ADAD1: variants seen among roughly 807,000 people sequenced by gnomAD.
ADAD1 encodes adenosine deaminase domain-containing protein 1.
A neutral mutation model predicts 66.8 loss-of-function variants in ADAD1; 46 were observed. The observed-to-expected ratio is 0.69, with a 90% CI of 0.54 to 0.88. The LOEUF (loss-of-function observed/expected upper bound fraction) is 0.88, where lower values mean the gene tolerates loss of function less well. Ranked by LOEUF, ADAD1 falls within the 40% of genes least tolerant of loss-of-function variation. ADAD1 has a pLI of 0.00. For missense variants in ADAD1, 617 were observed against 681.8 expected, an observed-to-expected ratio of 0.91 and a Z score of 1.06; for synonymous variants, 248 against 229.4, an observed-to-expected ratio of 1.08 and a Z score of -0.73.
At chr4:122,425,260 C>T (rs1797177794) in intron 12 of ADAD1, among the ~76,000 whole-genome samples, 1 of 151,952 alleles carries the variant, frequency 6.6e-6, no homozygotes, top group Non-Finnish European at 1.5e-5. Context: ...CTTTTCAAGC[C>T]CACATGGAGC....
chr4:122,414,616 A>G (rs909848587), intron 10 of ADAD1, among the ~76,000 whole-genome samples: 1 of 152,082 alleles, frequency 6.6e-6, no homozygotes, highest in Non-Finnish European at 1.5e-5. Context: ...TTTTAATCAT[A>G]AGGACACAAA....
chr4:122,409,701 T>C (rs1796383048), intron 8 of ADAD1, among the ~76,000 whole-genome samples: 1 of 152,062 alleles, frequency 6.6e-6, no homozygotes, highest in Non-Finnish European at 1.5e-5. Context: ...TTTTGTGTGT[T>C]TTGTTTGTTT....
At chr4:122,412,291 T>TATAAATTCTAATTA (rs1462941560) in intron 9 of ADAD1, among the ~76,000 whole-genome samples, 4 of 152,146 alleles carry the variant, frequency 2.6e-5, no homozygotes, top group Non-Finnish European at 5.9e-5. Flanking sequence ...TCACAAACTA[T>TATAAATTCTAATTA]GATAGGGATA....
chr4:122,390,943 C>A (rs1580747853), intron 5 of ADAD1, among the ~76,000 whole-genome samples: 1 of 152,238 alleles, frequency 6.6e-6, no homozygotes, highest in African/African-American at 2.4e-5. Context: ...GCACTCTGGC[C>A]TTTTGGGTTT....
At chr4:122,423,199 A>G (rs981258797) in intron 12 of ADAD1, among the ~76,000 whole-genome samples, 3 of 152,064 alleles carry the variant, frequency 2.0e-5, no homozygotes, top group Non-Finnish European at 4.4e-5. Flanking sequence ...GGGACAGGGG[A>G]ATGAAAGTTT....
chr4:122,402,892 T>C (rs777572538), intron 7 of ADAD1, among the ~76,000 whole-genome samples: 5 of 152,166 alleles, frequency 3.3e-5, no homozygotes, highest in Admixed American at 3.3e-4. Context: ...TTTTTATCCA[T>C]ACCCTATATA....
intron 7 of ADAD1, 122 bp downstream of exon 7, chr4:122,396,499 G>A: frequency 2.6e-6 from 2 of 774,334 alleles, no homozygotes; most frequent in South Asian, 3.0e-5. Context: ...TTTCTAGTAA[G>A]TGTGGGTCAT....
At chr4:122,401,470 G>T (rs1374565407) in intron 7 of ADAD1, among the ~76,000 whole-genome samples, 1 of 152,082 alleles carries the variant, frequency 6.6e-6, no homozygotes, top group Non-Finnish European at 1.5e-5. Flanking sequence ...TGTATATTCT[G>T]CAGTTGTTGG....
chr4:122,396,869 T>C (rs1299056733), intron 7 of ADAD1, among the ~76,000 whole-genome samples: 6 of 152,194 alleles, frequency 3.9e-5, no homozygotes, highest in Admixed American at 3.9e-4. Flanking sequence ...TTGATTCCTA[T>C]TCTTAAGGAG....
intron 4 of ADAD1, among the ~76,000 whole-genome samples, chr4:122,382,969 A>G (rs372016148): frequency 6.6e-5 from 10 of 152,300 alleles, no homozygotes; most frequent in Middle Eastern, 6.8e-3. Flanking sequence ...AGTGGGGTTT[A>G]TGTGTGGCAG....
chr4:122,387,577 T>C (rs1037263139), intron 5 of ADAD1, among the ~76,000 whole-genome samples: 5 of 152,034 alleles, frequency 3.3e-5, no homozygotes, highest in African/African-American at 9.7e-5. Context: ...AAAACTATGT[T>C]GAATAGGAGT....
chr4:122,391,707 GTTTGTTT>G (rs942336431), intron 5 of ADAD1, among the ~76,000 whole-genome samples: 39 of 152,210 alleles, frequency 2.6e-4, no homozygotes, highest in Admixed American at 5.2e-4. Context: ...TTTTTTGTTT[GTTTGTTT>G]TTTGTTTTTT....
intron 12 of ADAD1, among the ~76,000 whole-genome samples, chr4:122,422,722 A>C (rs983407130): frequency 5.3e-5 from 8 of 152,158 alleles, no homozygotes; most frequent in African/African-American, 1.9e-4. Flanking sequence ...AAAATTGTCA[A>C]AACTTCCTTC....
At chr4:122,387,318 T>A (rs1222281738) in intron 5 of ADAD1, among the ~76,000 whole-genome samples, 1 of 152,124 alleles carries the variant, frequency 6.6e-6, no homozygotes, top group Non-Finnish European at 1.5e-5. Context: ...TGGGAGTTTA[T>A]TCATGCTTTG....
intron 8 of ADAD1, among the ~76,000 whole-genome samples, chr4:122,410,376 A>G (rs1191941928): frequency 6.6e-6 from 1 of 152,166 alleles, no homozygotes; most frequent in East Asian, 1.9e-4. Context: ...GATGGGATTC[A>G]AGGGAGTATA....
intron 11 of ADAD1, among the ~76,000 whole-genome samples, chr4:122,419,470 A>T (rs1796909161): frequency 6.6e-6 from 1 of 152,134 alleles, no homozygotes; most frequent in Non-Finnish European, 1.5e-5. Flanking sequence ...CTGTACAACA[A>T]ACCCCCATGA....
At chr4:122,415,247 G>GA (rs1796675513) in intron 10 of ADAD1, 132 bp from the exon 11 acceptor site, 2 of 673,268 alleles carry the variant, frequency 3.0e-6, no homozygotes, top group South Asian at 4.0e-5. Context: ...TAAGAGAATA[G>GA]AACTAGGAAA....
At chr4:122,385,298 A>C (rs956375349) in intron 5 of ADAD1, among the ~76,000 whole-genome samples, 2 of 152,076 alleles carry the variant, frequency 1.3e-5, no homozygotes, top group Non-Finnish European at 2.9e-5. Flanking sequence ...TTTGAGACAG[A>C]GTCTCACTCT....
intron 11 of ADAD1, among the ~76,000 whole-genome samples, chr4:122,419,404 C>T (rs984687906): frequency 2.6e-5 from 4 of 151,930 alleles, no homozygotes; most frequent in Admixed American, 6.6e-5. Context: ...AGGAGGGAGA[C>T]GATCAGGAAA....
Sources: gnomAD v4.1 joint callset for allele counts (sites outside exome capture counted in the v4.1 genomes callset) on GRCh38, gnomAD v4.1.1 for gene constraint, MANE v1.5 for transcripts, NCBI Gene and HGNC (gene_info 2026-07-23, HGNC 2026-07-21) for gene names.